CTXND1: variants seen among roughly 807,000 people sequenced by gnomAD.
CTXND1 encodes the protein cortexin domain containing 1.
intron 1 of CTXND1, among the ~76,000 whole-genome samples, chr15:80,243,216 G>A (rs967621573): frequency 1.3e-5 from 2 of 152,150 alleles, no homozygotes; most frequent in Admixed American, 6.5e-5. Context: ...AGTTGTTGAG[G>A]GCTGTGTTAA....
At chr15:80,214,095 T>C (rs756884493) in intron 1 of CTXND1, among the ~76,000 whole-genome samples, 1 of 152,154 alleles carries the variant, frequency 6.6e-6, no homozygotes, top group Non-Finnish European at 1.5e-5. Context: ...TAGTAAGAGC[T>C]TTATAATAAT....
At chr15:80,243,920 A>G (rs983871910) in intron 1 of CTXND1, among the ~76,000 whole-genome samples, 4 of 152,196 alleles carry the variant, frequency 2.6e-5, no homozygotes, top group African/African-American at 9.6e-5. Context: ...AGCTCCTGGG[A>G]GGAGACCAGG....
chr15:80,207,049 C>G (rs573645041), intron 1 of CTXND1, among the ~76,000 whole-genome samples: 3 of 152,314 alleles, frequency 2.0e-5, no homozygotes, highest in African/African-American at 7.2e-5. Flanking sequence ...AAGATTTTCT[C>G]CTTCTCTTTG....
At chr15:80,214,044 CA>C (rs1282988259) in intron 1 of CTXND1, among the ~76,000 whole-genome samples, 2 of 151,370 alleles carry the variant, frequency 1.3e-5, no homozygotes, top group Admixed American at 6.6e-5. Context: ...AGGTATAAAA[CA>C]ATATAAACAT....
At chr15:80,209,032 A>G (rs1035388861) in intron 1 of CTXND1, among the ~76,000 whole-genome samples, 5 of 152,198 alleles carry the variant, frequency 3.3e-5, no homozygotes, top group Non-Finnish European at 7.3e-5. Context: ...AGATAATATC[A>G]GATAACTTCA....
At position 80,197,741 on chromosome 15, in the gene CTXND1, A is replaced by G. The variant is rs1221770096; in HGVS notation, c.*4029T>C. 2.0e-5 allele frequency: 3 copies of G among 152,264 alleles called. No individual in the cohort carries two copies. Among genetic ancestry groups the G allele is most frequent in the Admixed American group, 2.0e-4 (3 of 15,280 alleles). 9.4% of individuals were successfully genotyped at this position (152,264 alleles called of 1,614,324 possible). ...GTCATTGATCATGCCTGGCAGAACC[A>G]GTCCTCAACAGCAAGACCTAGGGGG... On this transcript the variant is annotated 3_prime_UTR_variant, in exon 3 of 3. Coordinates refer to ENST00000560778, the MANE Select transcript of CTXND1 (RefSeq NM_001352888.2).
chr15:80,220,977 C>G (rs986243020), intron 1 of CTXND1, among the ~76,000 whole-genome samples: 3 of 150,728 alleles, frequency 2.0e-5, no homozygotes, highest in Non-Finnish European at 4.4e-5. Context: ...GGCGCGATCT[C>G]TGCTCACTGC....
At chr15:80,222,506 T>A (rs71397602) in intron 1 of CTXND1, among the ~76,000 whole-genome samples, 11,775 of 152,228 alleles carry the variant, frequency 0.077, 546 homozygotes, top group Middle Eastern at 0.11. Context: ...ATCCAATTCA[T>A]GGTCAATTTT....
intron 1 of CTXND1, among the ~76,000 whole-genome samples, chr15:80,229,123 C>T (rs905328646): frequency 3.2e-4 from 48 of 152,032 alleles, no homozygotes; most frequent in African/African-American, 1.1e-3. Context: ...GGTGTATGAC[C>T]CTGAGCTGGG....
intron 1 of CTXND1, among the ~76,000 whole-genome samples, chr15:80,240,509 T>TC (rs908251038): frequency 2.1e-4 from 31 of 146,530 alleles, no homozygotes; most frequent in African/African-American, 4.0e-4. Context: ...CTGCCAACAC[T>TC]CCCCCCCCAC....
chr15:80,237,632 G>A (rs992158813), intron 1 of CTXND1, among the ~76,000 whole-genome samples: 1 of 152,110 alleles, frequency 6.6e-6, no homozygotes, highest in African/African-American at 2.4e-5. Flanking sequence ...TACAGAATAA[G>A]GCTATAAGAA....
intron 1 of CTXND1, among the ~76,000 whole-genome samples, chr15:80,243,264 A>G (rs949005630): frequency 1.3e-5 from 2 of 152,184 alleles, no homozygotes; most frequent in Non-Finnish European, 2.9e-5. Context: ...TACATTCCCA[A>G]GTTATACCTA....
chr15:80,214,379 A>G (rs1794485547), intron 1 of CTXND1, among the ~76,000 whole-genome samples: 2 of 152,194 alleles, frequency 1.3e-5, no homozygotes, highest in Non-Finnish European at 2.9e-5. Context: ...ATTGTTTTCA[A>G]ATGTTTGTGG....
intron 1 of CTXND1, among the ~76,000 whole-genome samples, chr15:80,219,557 C>T (rs1416531355): frequency 6.6e-6 from 1 of 152,156 alleles, no homozygotes; most frequent in African/African-American, 2.4e-5. Context: ...GGTATGATTC[C>T]TGAGTTGTAG....
intron 1 of CTXND1, among the ~76,000 whole-genome samples, chr15:80,203,945 G>C (rs1007047397): frequency 6.6e-6 from 1 of 151,124 alleles, no homozygotes; most frequent in African/African-American, 2.4e-5. Context: ...TGAGGTGGGA[G>C]GATTGCTTGA....
chr15:80,221,103 G>C (rs1893311876), intron 1 of CTXND1, among the ~76,000 whole-genome samples: 1 of 151,898 alleles, frequency 6.6e-6, no homozygotes, highest in African/African-American at 2.4e-5. Flanking sequence ...TAGAGACGGG[G>C]TTTCACCATG....
chr15:80,203,854 C>T (rs1893114152), intron 1 of CTXND1, 114 bp from the exon 2 acceptor site: 1 of 152,138 alleles, frequency 6.6e-6, no homozygotes, highest in African/African-American at 2.4e-5. Context: ...AGCTGCCACA[C>T]TCTGTTACTT....
intron 1 of CTXND1, among the ~76,000 whole-genome samples, chr15:80,204,418 G>C (rs1207755039): frequency 6.7e-6 from 1 of 150,320 alleles, no homozygotes; most frequent in Non-Finnish European, 1.5e-5. Flanking sequence ...CAAACTGTGC[G>C]CTCATTAGAC....
chr15:80,233,576 C>T (rs545141602), intron 1 of CTXND1, among the ~76,000 whole-genome samples: 3 of 151,966 alleles, frequency 2.0e-5, no homozygotes, highest in African/African-American at 4.8e-5. Context: ...ACAGAATGAC[C>T]AAGTCTCCCA....
Sources: allele counts gnomAD v4.1 joint callset (sites outside exome capture counted in the v4.1 genomes callset), GRCh38; gene constraint gnomAD v4.1.1; transcripts MANE v1.5; gene names NCBI Gene and HGNC (gene_info 2026-07-23, HGNC 2026-07-21).